Variants in MALRD1 observed in about 807,000 individuals in gnomAD.
MALRD1 encodes the protein MAM and LDL-receptor class A domain-containing protein 1.
In MALRD1, 247 loss-of-function variants were observed where a neutral mutation model predicts 242.1. The observed-to-expected ratio is 1.02, with a 90% CI of 0.92 to 1.13. MALRD1 has a LOEUF of 1.13. Among genes scored for constraint, MALRD1 ranks in the 50% most tolerant of loss-of-function variants. The pLI, the probability that MALRD1 is intolerant of heterozygous loss-of-function variation, is 0.00. For missense variants in MALRD1, 2,989 were observed against 2,533.1 expected (o/e 1.18, Z -3.86); for synonymous variants, 995 against 866.6 (o/e 1.15, Z -2.60).
intron 26 of MALRD1, among the ~76,000 whole-genome samples, chr10:19,382,361 TGA>T (rs1405052985): frequency 5.8e-5 from 1 of 17,382 alleles, no homozygotes; most frequent in Non-Finnish European, 1.4e-4. Context: ...TGTGTATGTG[TGA>T]GTGTGTGTGT....
intron 29 of MALRD1, among the ~76,000 whole-genome samples, chr10:19,474,109 T>G (rs1047116828): frequency 5.4e-5 from 3 of 55,362 alleles, no homozygotes; most frequent in Non-Finnish European, 9.6e-5. Flanking sequence ...TTCATGTGCT[T>G]ATTGGACATT....
intron 31 of MALRD1, among the ~76,000 whole-genome samples, chr10:19,518,635 G>C (rs1336975857): frequency 2.6e-5 from 4 of 151,658 alleles, no homozygotes; most frequent in African/African-American, 9.7e-5. Flanking sequence ...ATTGTTACAG[G>C]CTTTGCATTT....
At chr10:19,596,128 C>A in intron 34 of MALRD1, among the ~76,000 whole-genome samples, 1 of 152,092 alleles carries the variant, frequency 6.6e-6, no homozygotes, top group East Asian at 1.9e-4. Context: ...AAATTCCAGG[C>A]TGTGTATTCA....
At chr10:19,104,142 T>C (rs550881245) in intron 5 of MALRD1, 67 bp downstream of exon 5, 1 of 890,748 alleles carries the variant, frequency 1.1e-6, no homozygotes, top group Admixed American at 4.3e-5. Context: ...TTAAACATTG[T>C]GATGACTTTA....
chr10:19,441,058 C>T (rs1361005683), intron 28 of MALRD1, among the ~76,000 whole-genome samples: 2 of 151,952 alleles, frequency 1.3e-5, no homozygotes, highest in East Asian at 1.9e-4. Flanking sequence ...AGATGGTATC[C>T]CATTGTGGTT....
chr10:19,080,983 C>T (rs914506879), intron 2 of MALRD1, among the ~76,000 whole-genome samples: 2 of 151,966 alleles, frequency 1.3e-5, no homozygotes, highest in Non-Finnish European at 2.9e-5. Flanking sequence ...TCAAAGAAAA[C>T]ATTCGTGTGG....
chr10:19,219,581 C>T (rs1271718253), intron 18 of MALRD1, among the ~76,000 whole-genome samples: 8 of 152,132 alleles, frequency 5.3e-5, no homozygotes, highest in East Asian at 3.9e-4. Context: ...CGCCTATAGG[C>T]GTGCACCACC....
At chr10:19,163,136 CTAAAAAAAAAAAAAAA>C (rs1317016224) in intron 12 of MALRD1, among the ~76,000 whole-genome samples, 3 of 36,918 alleles carry the variant, frequency 8.1e-5, no homozygotes, top group African/African-American at 2.4e-4. Context: ...GAAACCCTGT[CTAAAAAAAAAAAAAAA>C]AAAAAAAAAA....
rs1191089759 is a variant in MALRD1, at chr10:19,419,297, TTTTG to T, written c.4845+29701_4845+29704del. Reference sequence around the variant, plus strand: ...TTTCTTTCTTTCTTTGTTTTGTTTGTTTTGTTTGTTTGTTTGAGACTGAGTCTCA... The same window carrying T: ...TTTCTTTCTTTCTTTGTTTTGTTTGTTTTGTTTGTTTGAGACTGAGTCTCA... On this transcript the variant is annotated intron_variant, in intron 28 of 39. Coordinates refer to ENST00000454679, the MANE Select transcript of MALRD1 (RefSeq NM_001142308.3). Among the ~76,000 whole-genome samples, 6 of 152,158 alleles carry T rather than the reference TTTTG, an allele frequency of 3.9e-5. No homozygotes were observed. The East Asian group carries it at 9.7e-4, about 25-fold the overall frequency.
chr10:19,261,704 A>G (rs1437517750), intron 19 of MALRD1, among the ~76,000 whole-genome samples: 3 of 151,844 alleles, frequency 2.0e-5, no homozygotes, highest in Non-Finnish European at 4.4e-5. Flanking sequence ...TATCTTACCT[A>G]CAACTTTTAT....
intron 36 of MALRD1, among the ~76,000 whole-genome samples, chr10:19,618,580 T>A (rs551969285): frequency 6.6e-6 from 1 of 152,216 alleles, no homozygotes; most frequent in Non-Finnish European, 1.5e-5. Flanking sequence ...CCTCTAATGA[T>A]CAGTGATGTT....
At chr10:19,135,343 A>G (rs1033594504) in intron 9 of MALRD1, among the ~76,000 whole-genome samples, 1 of 151,950 alleles carries the variant, frequency 6.6e-6, no homozygotes, top group Non-Finnish European at 1.5e-5. Context: ...TTTAGTAGAG[A>G]TGGGTTTTAT....
intron 26 of MALRD1, among the ~76,000 whole-genome samples, chr10:19,385,531 ATT>A (rs1846037795): frequency 1.3e-5 from 2 of 152,108 alleles, no homozygotes; most frequent in South Asian, 4.1e-4. Context: ...TTGGTGTATA[ATT>A]GTTCATAGAA....
intron 33 of MALRD1, among the ~76,000 whole-genome samples, chr10:19,588,674 G>T (rs1423809872): frequency 6.6e-6 from 1 of 152,144 alleles, no homozygotes; most frequent in Admixed American, 6.5e-5. Flanking sequence ...ACGGAGTCTT[G>T]CTCTGTCGCC....
chr10:19,489,001 C>T (rs1327242403), intron 29 of MALRD1: 3 of 455,166 alleles, frequency 6.6e-6, no homozygotes, highest in Admixed American at 2.4e-5. Context: ...CGGTTCTATC[C>T]GGTTCTCCCA....
At chr10:19,611,746 G>A (rs1838909212) in intron 35 of MALRD1, among the ~76,000 whole-genome samples, 1 of 151,888 alleles carries the variant, frequency 6.6e-6, no homozygotes, top group Admixed American at 6.6e-5. Context: ...ATTGTTTTGA[G>A]TAAATCAAAG....
intron 33 of MALRD1, among the ~76,000 whole-genome samples, chr10:19,584,786 C>T (rs551179193): frequency 4.2e-4 from 64 of 152,136 alleles, no homozygotes; most frequent in African/African-American, 1.4e-3. Flanking sequence ...TTGTTGTTGA[C>T]TTTCTGTCTT....
intron 34 of MALRD1, among the ~76,000 whole-genome samples, chr10:19,602,958 A>AT (rs1165908747): frequency 2.6e-5 from 4 of 151,998 alleles, no homozygotes; most frequent in African/African-American, 9.7e-5. Flanking sequence ...GATGATGAGC[A>AT]TTTTTTCATG....
chr10:19,177,140 C>G (rs1835294011), intron 14 of MALRD1, among the ~76,000 whole-genome samples: 1 of 151,732 alleles, frequency 6.6e-6, no homozygotes. Context: ...TTAGCCAGGG[C>G]ATGGTGGCGG....
Sources: allele counts gnomAD v4.1 joint callset (sites outside exome capture counted in the v4.1 genomes callset), GRCh38; gene constraint gnomAD v4.1.1; transcripts MANE v1.5; gene names NCBI Gene and HGNC (gene_info 2026-07-23, HGNC 2026-07-21).